SLC6A13: variants seen among roughly 807,000 people sequenced by gnomAD.
SLC6A13 encodes solute carrier family 6 member 13.
In SLC6A13, 69 loss-of-function variants were observed where a neutral mutation model predicts 72.9. The ratio of observed to expected loss-of-function variants is 0.95; its 90% CI spans 0.78 to 1.16. The LOEUF is 1.16. SLC6A13 is among the 50% of genes most tolerant of loss of function. The pLI, the probability that SLC6A13 is intolerant of heterozygous loss-of-function variation, is 0.00. For synonymous variants in SLC6A13, 303 were observed against 303.0 expected (o/e 1.00, Z 0.00); for missense variants, 735 against 760.5 (o/e 0.97, Z 0.39).
chr12:229,957 T>C (rs1410963994), intron 7 of SLC6A13, among the ~76,000 whole-genome samples: 3 of 151,788 alleles, frequency 2.0e-5, no homozygotes. Flanking sequence ...CTAAGGAAAA[T>C]GCGGCAGGAG....
In SLC6A13 at chr12:248,694, T is replaced by C. The variant is rs1942441008; in HGVS notation, c.203-4881A>G. On this transcript the variant is annotated intron_variant, in intron 2 of 14. Transcript: ENST00000343164. Reference sequence around the variant, plus strand: ...AATTCCTGATAAATGTTAAAAACGTTAATAGCCCTCTCTCAATAATTTATA... The same window carrying C: ...AATTCCTGATAAATGTTAAAAACGTCAATAGCCCTCTCTCAATAATTTATA... Among the ~76,000 whole-genome samples, 4 of 152,264 alleles carry C rather than the reference T, an allele frequency of 2.6e-5. No individual in the cohort carries two copies. In the South Asian group the frequency reaches 6.2e-4, roughly 24 times the overall value.
At chr12:226,537 G>C in intron 8 of SLC6A13, 23 bp from the exon 9 acceptor site, 1 of 1,611,062 alleles carries the variant, frequency 6.2e-7, no homozygotes, top group Non-Finnish European at 8.5e-7. Flanking sequence ...GGTGAGGAGA[G>C]GGCGGAATGG....
At chr12:225,053 G>GTCCT (rs1941384965) in intron 9 of SLC6A13, among the ~76,000 whole-genome samples, 1 of 152,244 alleles carries the variant, frequency 6.6e-6, no homozygotes, top group Non-Finnish European at 1.5e-5. Flanking sequence ...CTGTCACCCT[G>GTCCT]CAATGACTAC....
intron 4 of SLC6A13, among the ~76,000 whole-genome samples, chr12:238,726 C>A (rs1942036299): frequency 6.6e-6 from 1 of 152,222 alleles, no homozygotes; most frequent in African/African-American, 2.4e-5. Flanking sequence ...TTAGAAATGG[C>A]CTGTATCTGC....
rs1025836308 is a variant in SLC6A13 at position 235,248 on chromosome 12, A to G, written c.697-24T>C. ...ACCTGGTCATGGGCAAATGAGAGAC[A>G]AGGAGCTTGTGAGTGAGGAAGCAGC... is the stretch of plus-strand genomic sequence containing the variant. On this transcript the variant is annotated intron_variant, in intron 6 of 14. Transcript: ENST00000343164. 3 of 1,613,830 alleles carry G rather than the reference A, an allele frequency of 1.9e-6. No individual in the cohort carries two copies. The African/African-American group carries it at 4.0e-5, about 22-fold the overall frequency.
intron 2 of SLC6A13, among the ~76,000 whole-genome samples, chr12:248,757 T>C (rs953884197): frequency 2.0e-5 from 3 of 152,200 alleles, no homozygotes; most frequent in Non-Finnish European, 4.4e-5. Flanking sequence ...ATATAACAGA[T>C]TTGAAAATTA....
At chr12:223,685 C>T in intron 11 of SLC6A13, 1 of 389,670 alleles carries the variant, frequency 2.6e-6, no homozygotes, top group Non-Finnish European at 4.7e-6. Flanking sequence ...GGTTCAGCTG[C>T]CTGGGAAATC....
intron 1 of SLC6A13, among the ~76,000 whole-genome samples, chr12:261,058 C>CT (rs926663175): frequency 1.3e-5 from 2 of 152,084 alleles, no homozygotes; most frequent in Non-Finnish European, 2.9e-5. Flanking sequence ...CGCTCTTTTT[C>CT]TTTTTTGGTG....
chr12:231,722 A>T (rs973870617), intron 7 of SLC6A13, among the ~76,000 whole-genome samples: 1 of 152,248 alleles, frequency 6.6e-6, no homozygotes, highest in Non-Finnish European at 1.5e-5. Flanking sequence ...AGTCACCCAG[A>T]CAGAGACTTA....
At chr12:259,477 C>A (rs1028699250) in intron 2 of SLC6A13, 19 of 1,281,700 alleles carry the variant, frequency 1.5e-5, no homozygotes, top group Non-Finnish European at 1.8e-5. Context: ...CTAATCCTTA[C>A]AATGACCTTG....
At chr12:247,974 A>G (rs1942411030) in intron 2 of SLC6A13, among the ~76,000 whole-genome samples, 1 of 152,158 alleles carries the variant, frequency 6.6e-6, no homozygotes, top group Non-Finnish European at 1.5e-5. Flanking sequence ...TAATAAGCCA[A>G]CAAAAAGAAG....
At chr12:256,794 G>A (rs1180921955) in intron 2 of SLC6A13, among the ~76,000 whole-genome samples, 1 of 152,052 alleles carries the variant, frequency 6.6e-6, no homozygotes, top group African/African-American at 2.4e-5. Flanking sequence ...GCACAAGAGT[G>A]GCTACTTGGA....
At chr12:227,192 T>C (rs186673991) in intron 8 of SLC6A13, among the ~76,000 whole-genome samples, 11 of 149,380 alleles carry the variant, frequency 7.4e-5, no homozygotes, top group Non-Finnish European at 1.3e-4. Context: ...AAACAACCTA[T>C]AATGAAACCA....
intron 3 of SLC6A13, among the ~76,000 whole-genome samples, chr12:243,099 T>G (rs549287013): frequency 2.0e-4 from 30 of 152,132 alleles, no homozygotes; most frequent in African/African-American, 7.0e-4. Context: ...AACCTCTGCC[T>G]CCCAGGTTCA....
At position 224,517 on chromosome 12, in the gene SLC6A13, C is replaced by T. The variant is rs373294596; in HGVS notation, c.1061-4G>A. 712 of 1,612,696 alleles carry T rather than the reference C, an allele frequency of 4.4e-4. 1 individual carries two copies. The highest frequency in any genetic ancestry group is 2.0e-3 in the Admixed American group (120 of 60,004). ...GCGATGAAAGCCAGGCCAGGGCCTA[C>T]GACAAGGAGCAGAGGAACACGGGCC... On this transcript the variant is annotated splice_region_variant and splice_polypyrimidine_tract_variant and intron_variant, in intron 9 of 14. Transcript: ENST00000343164.
chr12:254,381 C>CCATTATCTTAAATCCATTT lies in SLC6A13; in HGVS notation c.202+5451_202+5469dup. 6.6e-6 allele frequency among the ~76,000 whole-genome samples: 1 copy of CCATTATCTTAAATCCATTT among 152,226 alleles called. No individual in the cohort carries two copies. Among genetic ancestry groups the CCATTATCTTAAATCCATTT allele is most frequent in the Non-Finnish European group, 1.5e-5 (1 of 68,044 alleles). On this transcript the variant is annotated intron_variant, in intron 2 of 14. Coordinates refer to ENST00000343164, the MANE Select transcript of SLC6A13 (RefSeq NM_016615.5). This position sits in a 1 kb window ranked among gnomAD's most constrained non-coding sequence, Gnocchi z 4.4. The stretch of plus-strand genomic sequence containing the variant: ...TTCCAATTCCTTTCTCCCATCTCCC[C>CCATTATCTTAAATCCATTT]CATTATCTTAAATCCATTTCAATCA...
At chr12:251,599 T>C (rs1478050400) in intron 2 of SLC6A13, among the ~76,000 whole-genome samples, 2 of 152,110 alleles carry the variant, frequency 1.3e-5, no homozygotes, top group Non-Finnish European at 2.9e-5. Flanking sequence ...AAATAAATAA[T>C]TTATAAACCA....
In SLC6A13 at chr12:226,483, C is replaced by T. The variant is rs536955832; in HGVS notation, c.967G>A (p.Gly323Ser). The T allele has an allele frequency of 4.2e-5, 68 of 1,614,038 alleles. 4 individuals carry two copies. The South Asian group carries it at 5.3e-4, about 13-fold the overall frequency. Residue 323 changes from glycine (G) to serine (S), a missense_variant, in exon 9 of 15, where the codon GGC becomes AGC. Transcript: ENST00000343164. Reference sequence around the variant, plus strand: ...GCAAAGCCGGCCACAAAGCTGGTGCCGCTGTTGAGGAAGCAGAGGGCGATG... The same window carrying T: ...GCAAAGCCGGCCACAAAGCTGGTGCTGCTGTTGAGGAAGCAGAGGGCGATG... ...DCIALCFLNS[G>S]TSFVAGFAIF...
At chr12:241,536 C>G (rs1273742985) in intron 4 of SLC6A13, among the ~76,000 whole-genome samples, 1 of 152,202 alleles carries the variant, frequency 6.6e-6, no homozygotes, top group Non-Finnish European at 1.5e-5. Flanking sequence ...TGTTAAAGTT[C>G]TGTTCCTCAG....
Sources: allele counts gnomAD v4.1 joint callset (sites outside exome capture counted in the v4.1 genomes callset), GRCh38; gene constraint gnomAD v4.1.1; non-coding constraint Gnocchi (gnomAD v3.1); transcripts MANE v1.5; gene names NCBI Gene and HGNC (gene_info 2026-07-23, HGNC 2026-07-21).